The following CA10 variants were observed in gnomAD, a reference collection of about 807,000 sequenced individuals.
CA10 encodes the protein carbonic anhydrase 10 (inactive).
A neutral mutation model predicts 44.2 loss-of-function variants in CA10; 14 were observed. The observed-to-expected ratio is 0.32, with a 90% CI of 0.21 to 0.50. The LOEUF (loss-of-function observed/expected upper bound fraction) is 0.50. Among genes scored for constraint, CA10 ranks in the 20% least tolerant of loss-of-function variants. The pLI, the probability that CA10 is intolerant of heterozygous loss-of-function variation, is 0.99. For synonymous variants in CA10, 159 were observed against 141.6 expected (o/e 1.12, Z -0.87); for missense variants, 350 against 409.7 (o/e 0.85, Z 1.26).
chr17:51,813,959 C>T (rs1567848309), intron 3 of CA10, among the ~76,000 whole-genome samples: 2 of 152,156 alleles, frequency 1.3e-5, no homozygotes, highest in Non-Finnish European at 2.9e-5. Context: ...TTTCTACTGC[C>T]TTGTTTCCTG....
At chr17:51,802,655 A>G (rs1431488183) in intron 3 of CA10, among the ~76,000 whole-genome samples, 1 of 151,738 alleles carries the variant, frequency 6.6e-6, no homozygotes, top group Non-Finnish European at 1.5e-5. Flanking sequence ...GTTGGGAGGA[A>G]GGTTGCTGAG....
intron 2 of CA10, among the ~76,000 whole-genome samples, chr17:51,934,937 A>G (rs69178): frequency 0.54 from 82,577 of 151,958 alleles, 22,977 homozygotes; most frequent in African/African-American, 0.59. Flanking sequence ...GAAGGCTGTG[A>G]AAACAGGCGT....
chr17:51,679,024 G>A (rs1234713951), intron 4 of CA10, among the ~76,000 whole-genome samples: 4 of 152,084 alleles, frequency 2.6e-5, no homozygotes, highest in Non-Finnish European at 5.9e-5. Flanking sequence ...CAAAGCAATT[G>A]CATTTCTTAT....
intron 2 of CA10, 32 bp from the exon 3 acceptor site, chr17:51,931,164 T>C (rs1392025030): frequency 6.2e-7 from 1 of 1,608,714 alleles, no homozygotes; most frequent in African/African-American, 1.3e-5. Flanking sequence ...AGAATTAGGC[T>C]GAGTAGCAGG....
At chr17:51,859,307 C>A (rs1293360081) in intron 3 of CA10, among the ~76,000 whole-genome samples, 1 of 152,056 alleles carries the variant, frequency 6.6e-6, no homozygotes, top group East Asian at 1.9e-4. Flanking sequence ...GGGTTTCAGC[C>A]CACAGCAAGA....
intron 3 of CA10, among the ~76,000 whole-genome samples, chr17:51,874,158 A>G (rs1979943388): frequency 6.6e-6 from 1 of 152,112 alleles, no homozygotes; most frequent in African/African-American, 2.4e-5. Context: ...ATCCAGACCA[A>G]TGCTCTAAGT....
chr17:51,903,924 C>T (rs1237217433), intron 3 of CA10, among the ~76,000 whole-genome samples: 1 of 151,934 alleles, frequency 6.6e-6, no homozygotes, highest in African/African-American at 2.4e-5. Flanking sequence ...CTGGATGTAC[C>T]AGGGTTGCCA....
At chr17:52,043,497 T>C (rs1986827935) in intron 2 of CA10, among the ~76,000 whole-genome samples, 1 of 152,090 alleles carries the variant, frequency 6.6e-6, no homozygotes, top group Non-Finnish European at 1.5e-5. Context: ...TAAGATTATG[T>C]CATCTGCAGA....
intron 2 of CA10, among the ~76,000 whole-genome samples, chr17:52,011,842 GAAGA>G (rs1473397741): frequency 6.6e-6 from 1 of 152,038 alleles, no homozygotes. Context: ...CAGCATCATA[GAAGA>G]AATAAGTAAA....
At chr17:52,049,239 C>T (rs1044777759) in intron 2 of CA10, among the ~76,000 whole-genome samples, 1 of 152,008 alleles carries the variant, frequency 6.6e-6, no homozygotes, top group Non-Finnish European at 1.5e-5. Flanking sequence ...AGAATAGTAC[C>T]ATGGCAGAGT....
chr17:52,025,943 A>G (rs184664701), intron 2 of CA10, among the ~76,000 whole-genome samples: 23 of 152,198 alleles, frequency 1.5e-4, no homozygotes, highest in East Asian at 3.9e-4. Flanking sequence ...ATACAAACAT[A>G]GAAATATATA....
chr17:51,705,070 A>G (rs1006867059), intron 4 of CA10, among the ~76,000 whole-genome samples: 4 of 152,096 alleles, frequency 2.6e-5, no homozygotes, highest in Non-Finnish European at 4.4e-5. Flanking sequence ...CTAAAGATCA[A>G]CATTCTTAAG....
chr17:52,023,725 G>A (rs1210247750), intron 2 of CA10, among the ~76,000 whole-genome samples: 2 of 150,756 alleles, frequency 1.3e-5, no homozygotes, highest in African/African-American at 4.9e-5. Context: ...AAGTATGCAT[G>A]CAACAAAGGC....
intron 4 of CA10, among the ~76,000 whole-genome samples, chr17:51,673,779 G>A (rs999119468): frequency 5.9e-5 from 9 of 152,300 alleles, no homozygotes; most frequent in African/African-American, 1.9e-4. Context: ...TCCTTCAGTG[G>A]CACCTTAGTT....
intron 3 of CA10, among the ~76,000 whole-genome samples, chr17:51,918,780 T>G (rs1191965411): frequency 2.0e-5 from 3 of 152,210 alleles, no homozygotes; most frequent in African/African-American, 7.2e-5. Context: ...TGGCTTATTT[T>G]CACATTATTT....
chr17:51,852,458 T>C (rs1978839760), intron 3 of CA10, among the ~76,000 whole-genome samples: 1 of 152,224 alleles, frequency 6.6e-6, no homozygotes, highest in Non-Finnish European at 1.5e-5. Context: ...ATTATAGTAC[T>C]ACTAGGCACT....
At chr17:51,741,687 A>G (rs1904467875) in intron 4 of CA10, among the ~76,000 whole-genome samples, 2 of 152,228 alleles carry the variant, frequency 1.3e-5, no homozygotes, top group African/African-American at 4.8e-5. Context: ...TGCTAGGTGC[A>G]TGGCATGCAA....
intron 1 of CA10, among the ~76,000 whole-genome samples, chr17:52,124,453 C>G (rs563286700): frequency 1.3e-5 from 2 of 152,308 alleles, no homozygotes; most frequent in South Asian, 2.1e-4. Context: ...ACATGGTATA[C>G]AGCATGCAGT....
chr17:52,131,730 T>A (rs140799944), intron 1 of CA10, among the ~76,000 whole-genome samples: 17 of 152,260 alleles, frequency 1.1e-4, no homozygotes, highest in Admixed American at 3.3e-4. Flanking sequence ...CTGGATTTAG[T>A]TTATCAAAAT....
Sources: allele counts gnomAD v4.1 joint callset (sites outside exome capture counted in the v4.1 genomes callset), GRCh38; gene constraint gnomAD v4.1.1; transcripts MANE v1.5; gene names NCBI Gene and HGNC (gene_info 2026-07-23, HGNC 2026-07-21).